Variants in DLG2 observed in about 807,000 individuals in gnomAD.
The protein encoded by DLG2 is discs large MAGUK scaffold protein 2, also known as disks large homolog 2.
Under a neutral mutation model 132.5 loss-of-function variants are expected in DLG2, and 45 were observed. That is an observed-to-expected ratio of 0.34 (90% CI 0.27 to 0.44). DLG2 has a LOEUF of 0.44. Ranked by LOEUF, DLG2 falls within the 20% of genes least tolerant of loss-of-function variation. The pLI, the probability that DLG2 is intolerant of heterozygous loss-of-function variation, is 1.00. For synonymous variants in DLG2, 424 were observed against 419.6 expected, an observed-to-expected ratio of 1.01 and a Z score of -0.13; for missense variants, 1,045 against 1,196.9, an observed-to-expected ratio of 0.87 and a Z score of 1.87.
At chr11:84,167,190 G>A (rs80142581) in intron 8 of DLG2, among the ~76,000 whole-genome samples, 217 of 152,250 alleles carry the variant, frequency 1.4e-3, no homozygotes, top group African/African-American at 5.0e-3. Flanking sequence ...TGAACTTTAT[G>A]GTTCTGTGGT....
chr11:84,202,930 T>G (rs993679118), intron 8 of DLG2, among the ~76,000 whole-genome samples: 6 of 152,302 alleles, frequency 3.9e-5, no homozygotes, highest in Admixed American at 3.9e-4. Flanking sequence ...CTCACGCCAG[T>G]CAGAATGGCT....
At chr11:84,916,379 A>AAAAAAAAAC (rs2092470191) in intron 6 of DLG2, among the ~76,000 whole-genome samples, 1 of 146,664 alleles carries the variant, frequency 6.8e-6, no homozygotes, top group Non-Finnish European at 1.5e-5. Flanking sequence ...AAAAAAAAAA[A>AAAAAAAAAC]GAAGCAGTAA....
At chr11:84,846,856 GTA>G (rs1009505118) in intron 6 of DLG2, among the ~76,000 whole-genome samples, 30 of 152,096 alleles carry the variant, frequency 2.0e-4, no homozygotes, top group South Asian at 1.4e-3. Flanking sequence ...AAATATCCAT[GTA>G]TAAATATCAT....
rs182595864 is a variant in DLG2 at position 84,162,543 on chromosome 11, A to C, written c.624+918T>G. Among the ~76,000 whole-genome samples, 516 of 152,176 alleles carry C rather than the reference A, an allele frequency of 3.4e-3. 1 individual carries two copies. Among genetic ancestry groups the C allele is most frequent in the Middle Eastern group, 0.031 (9 of 294 alleles). On this transcript the variant is annotated intron_variant, in intron 9 of 27. Coordinates refer to ENST00000376104, the MANE Select transcript of DLG2 (RefSeq NM_001142699.3). ...TTATTATTAAACACCTATGTTTTTC[A>C]ATCTTCACTATTATAAACCATATCA...
In DLG2 at chr11:83,507,241, G is replaced by T. The variant is rs1411487523; in HGVS notation, c.2194-23013C>A. Among the ~76,000 whole-genome samples the T allele has an allele frequency of 2.6e-5, 4 of 151,888 alleles. No homozygotes were observed. The East Asian group carries it at 7.7e-4, about 29-fold the overall frequency. ...AGTGTTCTCCATGCTACTAGAAGTA[G>T]GGTCCTTAGCATTTTTGGGTCTAAT... On this transcript the variant is annotated intron_variant, in intron 21 of 27. Coordinates refer to ENST00000376104, the MANE Select transcript of DLG2 (RefSeq NM_001142699.3).
At chr11:85,456,947 C>G (rs991962941) in intron 3 of DLG2, among the ~76,000 whole-genome samples, 1 of 151,860 alleles carries the variant, frequency 6.6e-6, no homozygotes, top group South Asian at 2.1e-4. Context: ...TTTATTAGGC[C>G]CATTTGGTTA....
chr11:83,923,802 A>C (rs1053320274), intron 15 of DLG2, among the ~76,000 whole-genome samples: 2 of 152,122 alleles, frequency 1.3e-5, no homozygotes, highest in Admixed American at 1.3e-4. Flanking sequence ...CCCTGCATTC[A>C]AACTTTTCCC....
chr11:84,169,872 CA>C (rs11358686), intron 8 of DLG2, among the ~76,000 whole-genome samples: 110,410 of 141,574 alleles, frequency 0.78, 42,545 homozygotes, highest in Middle Eastern at 0.87. Context: ...GACTTGGTCT[CA>C]AAAAAAAAAA....
intron 6 of DLG2, among the ~76,000 whole-genome samples, chr11:84,990,153 T>C (rs2056929274): frequency 6.6e-6 from 1 of 152,168 alleles, no homozygotes. Context: ...TCAACAGCAA[T>C]GAAAAAGCCC....
chr11:83,524,859 G>A (rs370206053), intron 21 of DLG2, among the ~76,000 whole-genome samples: 2 of 152,094 alleles, frequency 1.3e-5, no homozygotes, highest in African/African-American at 2.4e-5. Flanking sequence ...CATTTTGAAC[G>A]ATATCTCTTT....
intron 3 of DLG2, among the ~76,000 whole-genome samples, chr11:85,376,181 A>C (rs1254315781): frequency 1.3e-5 from 2 of 152,190 alleles, no homozygotes; most frequent in African/African-American, 4.8e-5. Flanking sequence ...AACTCAAAGA[A>C]ATAGAAATTG....
At chr11:83,642,799 T>C (rs1428032995) in intron 18 of DLG2, among the ~76,000 whole-genome samples, 1 of 152,182 alleles carries the variant, frequency 6.6e-6, no homozygotes, top group Non-Finnish European at 1.5e-5. Context: ...AAGTTTATTA[T>C]TGATTTTTAG....
At chr11:84,782,889 C>T (rs2072088111) in intron 6 of DLG2, among the ~76,000 whole-genome samples, 1 of 152,150 alleles carries the variant, frequency 6.6e-6, no homozygotes, top group Admixed American at 6.5e-5. Context: ...ATCCCACCAG[C>T]ATCAGCGTAC....
At chr11:85,501,352 G>C (rs1260731914) in intron 3 of DLG2, among the ~76,000 whole-genome samples, 1 of 152,166 alleles carries the variant, frequency 6.6e-6, no homozygotes, top group Non-Finnish European at 1.5e-5. Flanking sequence ...TCAGGACATA[G>C]GCATGGGCAA....
intron 3 of DLG2, among the ~76,000 whole-genome samples, chr11:85,574,613 C>G (rs931329265): frequency 5.3e-5 from 8 of 152,042 alleles, no homozygotes; most frequent in Non-Finnish European, 1.0e-4. Flanking sequence ...GGGATGAATC[C>G]CTCATGAATG....
At chr11:84,441,020 G>T (rs749391095) in intron 7 of DLG2, among the ~76,000 whole-genome samples, 2 of 152,054 alleles carry the variant, frequency 1.3e-5, no homozygotes, top group Admixed American at 1.3e-4. Context: ...AATAACTATT[G>T]AGACATAAGT....
chr11:85,369,679 C>T (rs964939880), intron 3 of DLG2, among the ~76,000 whole-genome samples: 1 of 152,122 alleles, frequency 6.6e-6, no homozygotes, highest in Non-Finnish European at 1.5e-5. Flanking sequence ...AAGTGCTTGG[C>T]AAGGCTTTGT....
chr11:84,770,225 G>T (rs982444796), intron 6 of DLG2, among the ~76,000 whole-genome samples: 1 of 152,140 alleles, frequency 6.6e-6, no homozygotes, highest in Non-Finnish European at 1.5e-5. Flanking sequence ...AAAGTTCCCT[G>T]AGGCCTCCTC....
At chr11:85,410,424 G>A (rs1277667587) in intron 3 of DLG2, among the ~76,000 whole-genome samples, 1 of 151,598 alleles carries the variant, frequency 6.6e-6, no homozygotes, top group Non-Finnish European at 1.5e-5. Context: ...GTAGAAAAAG[G>A]TGCCCCTTTC....
Sources: allele counts gnomAD v4.1 joint callset (sites outside exome capture counted in the v4.1 genomes callset), GRCh38; gene constraint gnomAD v4.1.1; transcripts MANE v1.5; gene names NCBI Gene and HGNC (gene_info 2026-07-23, HGNC 2026-07-21).